Variants in TAF4B observed in about 807,000 individuals in gnomAD.
TAF4B encodes the protein transcription initiation factor TFIID subunit 4B.
TAF4B carries 38 observed loss-of-function variants against 86.4 expected under a neutral mutation model. The observed-to-expected ratio is 0.44, with a 90% CI of 0.34 to 0.58. The LOEUF is 0.58. TAF4B is among the 20% of genes least tolerant of loss of function. The pLI, the probability that TAF4B is intolerant of heterozygous loss-of-function variation, is 0.02. For missense variants in TAF4B, 988 were observed against 1,027.6 expected (o/e 0.96, Z 0.53); for synonymous variants, 388 against 391.2 (o/e 0.99, Z 0.10).
At chr18:26,242,640 G>A (rs1202612935) in intron 1 of TAF4B, among the ~76,000 whole-genome samples, 1 of 152,116 alleles carries the variant, frequency 6.6e-6, no homozygotes, top group Non-Finnish European at 1.5e-5. Context: ...ATGTAAGCTG[G>A]TTATTTTGCT....
intron 1 of TAF4B, among the ~76,000 whole-genome samples, chr18:26,242,832 C>T (rs1249330511): frequency 3.9e-5 from 6 of 152,134 alleles, no homozygotes; most frequent in Admixed American, 3.9e-4. Context: ...TTTATTTCTC[C>T]TTCACTTATG....
At chr18:26,289,927 TC>T (rs1181735582) in intron 7 of TAF4B, among the ~76,000 whole-genome samples, 7 of 152,162 alleles carry the variant, frequency 4.6e-5, no homozygotes, top group Non-Finnish European at 1.0e-4. Flanking sequence ...GGTTGTTAAG[TC>T]CCAATACAAA....
intron 13 of TAF4B, among the ~76,000 whole-genome samples, 180 bp from the exon 14 acceptor site, chr18:26,357,510 A>G (rs977646527): frequency 1.3e-5 from 2 of 152,210 alleles, no homozygotes; most frequent in African/African-American, 4.8e-5. Context: ...ATTAAGAACT[A>G]AAGAGTTTGT....
At chr18:26,364,093 A>G (rs766757510) in intron 14 of TAF4B, among the ~76,000 whole-genome samples, 2 of 152,188 alleles carry the variant, frequency 1.3e-5, no homozygotes, top group Non-Finnish European at 2.9e-5. Flanking sequence ...TTCTCATTAA[A>G]TATGATCTAT....
Position 26,311,790 on chromosome 18 carries a change from A to G in TAF4B, c.1833-3439A>G, listed in dbSNP as rs182705900. ...AGACCTTGGATGTCAAGTTGAGTTC[A>G]GGGTAATGTGAAAGATTTTTGAACA... On this transcript the variant is annotated intron_variant, in intron 9 of 14. Transcript: ENST00000269142. Among the ~76,000 whole-genome samples the G allele has an allele frequency of 1.3e-4, 20 of 152,314 alleles. No homozygotes were observed. In the East Asian group the frequency reaches 3.5e-3, roughly 26 times the overall value.
chr18:26,321,123 C>G lies in TAF4B; in HGVS notation c.2056C>G (p.Gln686Glu). 1 of 1,613,822 alleles carries G rather than the reference C, an allele frequency of 6.2e-7. No individual in the cohort carries two copies. Among genetic ancestry groups the G allele is most frequent in the Non-Finnish European group, 8.5e-7 (1 of 1,179,814 alleles). ...CTCTGATGCTGTGAACTTGATCTCC[C>G]AAGCAACACAGGAACGACTACGAGG... ...LNSDAVNLISQATQERLRGLL... is the reference protein window; with the variant it reads ...LNSDAVNLISEATQERLRGLL... Residue 686 changes from glutamine to glutamate, a missense_variant, in exon 11 of 15, where the codon CAA (glutamine) becomes GAA (glutamate). This residue lies in a region of TAF4B where 216 missense variants were observed against 238.4 expected (regional missense o/e 0.91). Transcript: ENST00000269142.
chr18:26,228,265 G>A (rs1194150126), intron 1 of TAF4B, among the ~76,000 whole-genome samples: 4 of 152,184 alleles, frequency 2.6e-5, no homozygotes, highest in African/African-American at 9.7e-5. Flanking sequence ...ACTCTGAACT[G>A]CAAAGATGGT....
intron 1 of TAF4B, among the ~76,000 whole-genome samples, chr18:26,249,845 C>A (rs2055978992): frequency 6.6e-6 from 1 of 152,162 alleles, no homozygotes; most frequent in Non-Finnish European, 1.5e-5. Context: ...GCCCCAGCCT[C>A]CTAAGTAGCT....
chr18:26,275,189 T>A, intron 5 of TAF4B, 136 bp downstream of exon 5: 1 of 1,006,792 alleles, frequency 9.9e-7, no homozygotes, highest in Non-Finnish European at 1.3e-6. Flanking sequence ...AGAGTCTCGC[T>A]CTGTTGCCCA....
chr18:26,290,931 T>C (rs2056583890), intron 7 of TAF4B, among the ~76,000 whole-genome samples: 1 of 152,204 alleles, frequency 6.6e-6, no homozygotes, highest in African/African-American at 2.4e-5. Flanking sequence ...AGAACTATAG[T>C]ACATGAATAT....
intron 12 of TAF4B, among the ~76,000 whole-genome samples, chr18:26,328,965 C>T (rs2057029550): frequency 6.6e-6 from 1 of 151,824 alleles, no homozygotes; most frequent in Non-Finnish European, 1.5e-5. Flanking sequence ...TCATTAATCC[C>T]CTCCCTGTTT....
rs58691265 is a variant in TAF4B, at chr18:26,315,095, A to ACTCTCTCTCTCT, written c.1833-95_1833-84dup. On this transcript the variant is annotated intron_variant, in intron 9 of 14. Coordinates refer to ENST00000269142, the MANE Select transcript of TAF4B (RefSeq NM_005640.3). ...ACCTCTAATTCTTTTGCTCTCTGAA[A>ACTCTCTCTCTCT]CTCTCTCTCTCTCTCTCTCTCTCTC... 3.0e-3 allele frequency: 658 copies of ACTCTCTCTCTCT among 220,076 alleles called. 12 individuals carry two copies. The highest frequency in any genetic ancestry group is 7.7e-3 in the East Asian group (81 of 10,494). 13.6% of individuals were successfully genotyped at this position (220,076 alleles called of 1,614,324 possible).
chr18:26,327,656 T>C (rs2057015720), intron 12 of TAF4B, among the ~76,000 whole-genome samples: 1 of 152,198 alleles, frequency 6.6e-6, no homozygotes, highest in Non-Finnish European at 1.5e-5. Context: ...CTGCAACCTC[T>C]GCCTCCTGGG....
At chr18:26,339,046 TTCTG>T (rs1003950156) in intron 13 of TAF4B, among the ~76,000 whole-genome samples, 1 of 152,218 alleles carries the variant, frequency 6.6e-6, no homozygotes, top group Non-Finnish European at 1.5e-5. Flanking sequence ...CTGACAGGTT[TTCTG>T]TCTATTTGAA....
At chr18:26,357,640 C>G (rs73946375) in intron 13 of TAF4B, 50 bp from the exon 14 acceptor site, 18 of 1,293,630 alleles carry the variant, frequency 1.4e-5, no homozygotes, top group Admixed American at 2.0e-5. Flanking sequence ...CTTTTTCCCT[C>G]TGAGCATGAA....
chr18:26,242,650 T>C (rs2055857927), intron 1 of TAF4B, among the ~76,000 whole-genome samples: 2 of 152,152 alleles, frequency 1.3e-5, no homozygotes, highest in Admixed American at 6.5e-5. Flanking sequence ...GTTATTTTGC[T>C]CGTTAGTTGA....
At chr18:26,290,094 A>G (rs753962671) in intron 7 of TAF4B, among the ~76,000 whole-genome samples, 21 of 152,324 alleles carry the variant, frequency 1.4e-4, no homozygotes, top group Middle Eastern at 3.4e-3. Context: ...CAGGTGCCAT[A>G]GTAAACTATG....
chr18:26,377,333 A>T (rs1029900864), intron 14 of TAF4B, among the ~76,000 whole-genome samples: 8 of 152,180 alleles, frequency 5.3e-5, no homozygotes, highest in Admixed American at 1.3e-4. Context: ...TTTATTGATT[A>T]CGATTCAATC....
intron 13 of TAF4B, among the ~76,000 whole-genome samples, chr18:26,348,134 A>C (rs1012086018): frequency 1.2e-4 from 19 of 152,258 alleles, no homozygotes; most frequent in Admixed American, 6.5e-5. Flanking sequence ...CCAGAAGTAC[A>C]TGGAACATTT....
Sources: allele counts gnomAD v4.1 joint callset (sites outside exome capture counted in the v4.1 genomes callset), GRCh38; gene constraint gnomAD v4.1.1; regional missense constraint gnomAD v4.1.1; transcripts MANE v1.5; gene names NCBI Gene and HGNC (gene_info 2026-07-23, HGNC 2026-07-21).